The following SRP14 variants were observed in gnomAD, a reference collection of about 807,000 sequenced individuals.
SRP14 encodes signal recognition particle 14.
In SRP14, 1 loss-of-function variant was observed where a neutral mutation model predicts 16.0. The observed-to-expected ratio is 0.06, with a 90% CI of 0.02 to 0.30. SRP14 has a LOEUF of 0.30. Ranked by LOEUF, SRP14 falls within the 10% of genes least tolerant of loss-of-function variation. SRP14 has a pLI of 1.00. For missense variants in SRP14, 120 were observed against 163.1 expected, an observed-to-expected ratio of 0.74 and a Z score of 1.44; for synonymous variants, 67 against 60.1, an observed-to-expected ratio of 1.12 and a Z score of -0.53.
chr15:40,038,529 C>A (rs1004189276), intron 2 of SRP14, 135 bp from the exon 3 acceptor site: 1 of 655,664 alleles, frequency 1.5e-6, no homozygotes, highest in Non-Finnish European at 2.7e-6. Context: ...AACACCTCAT[C>A]TGCTATCACG....
At chr15:40,038,524 C>A in intron 2 of SRP14, 130 bp from the exon 3 acceptor site, 1 of 667,576 alleles carries the variant, frequency 1.5e-6, no homozygotes, top group Non-Finnish European at 2.7e-6. Flanking sequence ...TGTTAAACAC[C>A]TCATCTGCTA....
At chr15:40,037,141 A>C in intron 3 of SRP14, 123 bp from the exon 4 acceptor site, 1 of 1,289,400 alleles carries the variant, frequency 7.8e-7, no homozygotes, top group South Asian at 1.6e-5. Flanking sequence ...ACTTCTCCCC[A>C]ACTTCAGGGT....
intron 1 of SRP14, 34 bp downstream of exon 1, chr15:40,039,059 C>G: frequency 6.2e-7 from 1 of 1,608,742 alleles, no homozygotes; most frequent in Non-Finnish European, 8.5e-7. Context: ...GCCTGAGCCG[C>G]CCCCTTCCCT....
chr15:40,038,961 A>G lies in SRP14; in HGVS notation c.25-13T>C. ...GCTCCGTCAGGAACTGGAAAACAAC[A>G]GGCCCAGCCCCGTTAGCCAGCCCCA... On this transcript the variant is annotated splice_polypyrimidine_tract_variant and intron_variant, in intron 1 of 4. Coordinates refer to ENST00000267884, the MANE Select transcript of SRP14 (RefSeq NM_003134.6). 1 of 1,610,608 alleles carries G rather than the reference A, an allele frequency of 6.2e-7. No homozygotes were observed. Among genetic ancestry groups the G allele is most frequent in the Non-Finnish European group, 8.5e-7 (1 of 1,178,558 alleles).
chr15:40,036,377 CTGTTGCTGCTGCGGCAGG>C lies in SRP14; in HGVS notation c.349_366del (p.Pro117_Thr122del). ...GCTGTTGTTGCTGCTGTTGTTGGTGCTGTTGCTGCTGCGGCAGGTGCTGCTGCTGCTGCTGCTGCTGCT... is the reference window on the plus strand; with the variant it reads ...GCTGTTGTTGCTGCTGTTGTTGGTGCTGCTGCTGCTGCTGCTGCTGCTGCT... On this transcript the variant is annotated inframe_deletion, in exon 5 of 5. Coordinates refer to ENST00000267884, the MANE Select transcript of SRP14 (RefSeq NM_003134.6). 6.2e-7 allele frequency: 1 copy of C among 1,612,622 alleles called. No individual in the cohort carries two copies.
At chr15:40,037,377 C>T in intron 3 of SRP14, 1 of 1,261,392 alleles carries the variant, frequency 7.9e-7, no homozygotes, top group Non-Finnish European at 1.0e-6. Context: ...CAGAGGACTT[C>T]TCAGTATTAA....
intron 3 of SRP14, among the ~76,000 whole-genome samples, chr15:40,037,524 C>T (rs1056854322): frequency 6.6e-6 from 1 of 151,976 alleles, no homozygotes; most frequent in African/African-American, 2.4e-5. Context: ...GAAGAACACT[C>T]CTTAGGTTTT....
At chr15:40,038,169 A>G (rs1363954594) in intron 3 of SRP14, 113 bp downstream of exon 3, 3 of 804,656 alleles carry the variant, frequency 3.7e-6, no homozygotes, top group Non-Finnish European at 6.2e-6. Flanking sequence ...TCTCAAAAAT[A>G]GCCACACAGG....
chr15:40,035,824 T>G lies in SRP14; in HGVS notation c.*509A>C, dbSNP rs1021123805. ...CAAACTCTCATTTGACTGTGAGAAC[T>G]CATCGAAACTGGGGAACCATGATGA... is the stretch of plus-strand genomic sequence containing the variant. On this transcript the variant is annotated 3_prime_UTR_variant, in exon 5 of 5. Transcript: ENST00000267884. 6.5e-6 allele frequency: 1 copy of G among 153,490 alleles called. No homozygotes were observed. Among genetic ancestry groups the G allele is most frequent in the African/African-American group, 2.4e-5 (1 of 41,466 alleles). 9.5% of individuals were successfully genotyped at this position (153,490 alleles called of 1,614,324 possible). A position where few individuals can be genotyped will look rare whatever the true frequency, so the allele number is the denominator to read the frequency against.
chr15:40,038,431 G>A (rs778666780), intron 2 of SRP14, 37 bp from the exon 3 acceptor site: 14 of 1,384,024 alleles, frequency 1.0e-5, no homozygotes, highest in Non-Finnish European at 1.3e-5. Flanking sequence ...ACACGGCCGC[G>A]TACGTGGCTG....
In SRP14 at chr15:40,038,375, G is replaced by A; in HGVS notation, c.117C>T (p.Pro39=). 3 of 1,614,000 alleles carry A rather than the reference G, an allele frequency of 1.9e-6. No homozygotes were observed. Among genetic ancestry groups the A allele is most frequent in the Non-Finnish European group, 2.5e-6 (3 of 1,179,900 alleles). ...TLKKYDGRTK[P]IPKKGTVEGF... is the part of the protein sequence containing the mutation. ...CCTCCACAGTACCCTTCTTTGGAAT[G>A]GGTTTGGTTCGACCGTCATCTGAAG... Residue 39 remains proline (P), a synonymous_variant, in exon 3 of 5, where the codon CCC becomes CCT. Coordinates refer to ENST00000267884, the MANE Select transcript of SRP14 (RefSeq NM_003134.6).
At chr15:40,038,806 G>T in intron 2 of SRP14, 70 bp downstream of exon 2, 1 of 1,551,328 alleles carries the variant, frequency 6.4e-7, no homozygotes, top group Non-Finnish European at 8.8e-7. Flanking sequence ...GTCCGCGGCA[G>T]ACAGACTCCG....
In SRP14 at chr15:40,035,956, C is replaced by G. The variant is rs1363064602; in HGVS notation, c.*377G>C. ...CTAGAAGATATTATAGAGCTAAAGCCTATTCATTAATCACATCATTCTAGA... is the reference window on the plus strand; with the variant it reads ...CTAGAAGATATTATAGAGCTAAAGCGTATTCATTAATCACATCATTCTAGA... On this transcript the variant is annotated 3_prime_UTR_variant, in exon 5 of 5. Coordinates refer to ENST00000267884, the MANE Select transcript of SRP14 (RefSeq NM_003134.6). 1.0e-5 allele frequency: 2 copies of G among 196,632 alleles called. No individual in the cohort carries two copies. The highest frequency in any genetic ancestry group is 4.7e-5 in the African/African-American group (2 of 42,892). 12.2% of individuals were successfully genotyped at this position (196,632 alleles called of 1,614,324 possible). A position where few individuals can be genotyped will look rare whatever the true frequency, so the allele number is the denominator to read the frequency against.
chr15:40,037,875 C>G (rs771553190), intron 3 of SRP14, among the ~76,000 whole-genome samples: 4 of 147,636 alleles, frequency 2.7e-5, no homozygotes. Context: ...TATATTTTCT[C>G]AAGTGTCAAA....
intron 2 of SRP14, chr15:40,038,659 T>C (rs2035669360): frequency 6.5e-6 from 4 of 617,138 alleles, no homozygotes; most frequent in African/African-American, 3.7e-5. Context: ...CCTGGGCTGC[T>C]TGGGGCCCAT....
intron 3 of SRP14, 84 bp from the exon 4 acceptor site, chr15:40,037,102 C>T (rs2035636816): frequency 4.1e-6 from 6 of 1,473,038 alleles, no homozygotes; most frequent in Non-Finnish European, 5.5e-6. Context: ...TCAAAAGCCT[C>T]CGGAAGACAA....
In SRP14 at chr15:40,036,939, T is replaced by C. The variant is rs776757622; in HGVS notation, c.243+47A>G. On this transcript the variant is annotated intron_variant, in intron 4 of 4. Transcript: ENST00000267884. The stretch of plus-strand genomic sequence containing the variant: ...TCTTACCCAGTGTTCACTATCATAC[T>C]GACTCTTGCCCTGAGAAGGGAAACA... The C allele has an allele frequency of 2.7e-5, 44 of 1,605,682 alleles. No individual in the cohort carries two copies. The Middle Eastern group carries it at 4.9e-4, about 18-fold the overall frequency.
intron 2 of SRP14, 164 bp downstream of exon 2, chr15:40,038,712 G>T: frequency 2.7e-6 from 2 of 738,280 alleles, no homozygotes; most frequent in Non-Finnish European, 4.4e-6. Flanking sequence ...TGGGGACTGA[G>T]CCAGCTACAA....
intron 2 of SRP14, 47 bp downstream of exon 2, chr15:40,038,829 C>A: frequency 6.3e-7 from 1 of 1,597,140 alleles, no homozygotes; most frequent in South Asian, 1.1e-5. Flanking sequence ...GGCTCCCAGA[C>A]ACCGGGAACC....
Sources: gnomAD v4.1 joint callset for allele counts (sites outside exome capture counted in the v4.1 genomes callset) on GRCh38, gnomAD v4.1.1 for gene constraint, MANE v1.5 for transcripts, NCBI Gene and HGNC (gene_info 2026-07-23, HGNC 2026-07-21) for gene names.